Variants in DEPDC5 observed in about 807,000 individuals in gnomAD.
DEPDC5 encodes DEP domain containing 5, GATOR1 subcomplex subunit, also known as GATOR1 complex protein DEPDC5.
A neutral mutation model predicts 217.3 loss-of-function variants in DEPDC5; 73 were observed. The ratio of observed to expected loss-of-function variants is 0.34; its 90% CI spans 0.28 to 0.41. The LOEUF is 0.41. DEPDC5 is among the 10% of genes least tolerant of loss of function. The probability of loss-of-function intolerance (pLI) is 1.00; values close to 1 mark genes in which losing one functional copy is unlikely to be tolerated. For synonymous variants in DEPDC5, 733 were observed against 756.7 expected, an observed-to-expected ratio of 0.97 and a Z score of 0.51; for missense variants, 1,675 against 2,070.1, an observed-to-expected ratio of 0.81 and a Z score of 3.70.
rs1555918455 is a variant in DEPDC5 at position 31,879,043 on chromosome 22, A to ATATAT, written c.3806-482_3806-481insTATAT. Among the ~76,000 whole-genome samples the ATATAT allele has an allele frequency of 1.4e-4, 17 of 119,456 alleles. No homozygotes were observed. In the East Asian group the frequency reaches 1.5e-3, roughly 10 times the overall value. 78.4% of individuals were successfully genotyped at this position (119,456 alleles called of 152,430 possible). On this transcript the variant is annotated intron_variant, in intron 37 of 42. Coordinates refer to ENST00000651528, the MANE Select transcript of DEPDC5 (RefSeq NM_001242896.3). ...AGACTCCGTCTCAAAAAAAAAAAAA[A>ATATAT]ATATATATATATATATATATATATA...
intron 31 of DEPDC5, among the ~76,000 whole-genome samples, chr22:31,851,180 G>A (rs1486200143): frequency 6.6e-6 from 1 of 152,180 alleles, no homozygotes; most frequent in Non-Finnish European, 1.5e-5. Context: ...TTCACACTCT[G>A]GTCTTAAACT....
At chr22:31,761,826 G>A (rs2082414011) in intron 4 of DEPDC5, among the ~76,000 whole-genome samples, 1 of 151,622 alleles carries the variant, frequency 6.6e-6, no homozygotes, top group South Asian at 2.1e-4. Context: ...ATATTAGCCG[G>A]GTGTGGTGGC....
At chr22:31,887,773 C>T (rs1409839291) in intron 38 of DEPDC5, among the ~76,000 whole-genome samples, 1 of 152,068 alleles carries the variant, frequency 6.6e-6, no homozygotes, top group East Asian at 1.9e-4. Context: ...AGCTCTCAGC[C>T]CTTTGTGTTA....
chr22:31,899,150 A>C (rs1458669753), intron 40 of DEPDC5, among the ~76,000 whole-genome samples: 1 of 152,150 alleles, frequency 6.6e-6, no homozygotes. Flanking sequence ...GCCAGTTGTA[A>C]CTCAGTCTTC....
chr22:31,845,928 A>G (rs1218998824), intron 30 of DEPDC5, among the ~76,000 whole-genome samples: 1 of 150,232 alleles, frequency 6.7e-6, no homozygotes, highest in Non-Finnish European at 1.5e-5. Context: ...TGGCATGATC[A>G]TGGCTCACTG....
In DEPDC5 at chr22:31,837,201, C is replaced by T. The variant is rs757216082; in HGVS notation, c.2354+46C>T. 32 of 1,598,850 alleles carry T rather than the reference C, an allele frequency of 2.0e-5. No homozygotes were observed. The highest frequency in any genetic ancestry group is 2.6e-5 in the Non-Finnish European group (30 of 1,169,714). On this transcript the variant is annotated intron_variant, in intron 26 of 42. Coordinates refer to ENST00000651528, the MANE Select transcript of DEPDC5 (RefSeq NM_001242896.3). ...CACTTGGCTTGGTTGGTGAGGGTTT[C>T]GGATATATCCCACACATGCATCAGA... is the stretch of plus-strand genomic sequence containing the variant.
intron 3 of DEPDC5, among the ~76,000 whole-genome samples, chr22:31,760,005 A>G (rs921443019): frequency 6.7e-6 from 1 of 150,310 alleles, no homozygotes; most frequent in Non-Finnish European, 1.5e-5. Flanking sequence ...TAAAGCTGAG[A>G]TGACAACTGA....
At chr22:31,873,043 C>A (rs911946745) in intron 34 of DEPDC5, 8 of 942,664 alleles carry the variant, frequency 8.5e-6, no homozygotes, top group African/African-American at 3.4e-5. Flanking sequence ...ACGTAAGCCA[C>A]CAAACCCGGC....
chr22:31,852,848 T>C (rs1249623155), intron 31 of DEPDC5: 1 of 152,228 alleles, frequency 6.6e-6, no homozygotes, highest in Admixed American at 6.6e-5. Flanking sequence ...GAGCTCCCTG[T>C]GTGGGAAGGC....
At chr22:31,857,922 T>C (rs1301420713) in intron 32 of DEPDC5, 1 of 165,556 alleles carries the variant, frequency 6.0e-6, no homozygotes, top group Non-Finnish European at 1.3e-5. Context: ...GATGTGGTGG[T>C]GTGTACCTGT....
At chr22:31,901,678 TG>T in intron 40 of DEPDC5, 63 bp from the exon 41 acceptor site, 1 of 1,428,788 alleles carries the variant, frequency 7.0e-7, no homozygotes, top group Non-Finnish European at 9.7e-7. Flanking sequence ...TACAGAAGAC[TG>T]GCCCAGAGAG....
intron 30 of DEPDC5, among the ~76,000 whole-genome samples, chr22:31,845,540 G>T (rs1358391904): frequency 6.6e-6 from 1 of 152,124 alleles, no homozygotes; most frequent in Non-Finnish European, 1.5e-5. Flanking sequence ...GTGACTGGGT[G>T]CTGAACCTCT....
chr22:31,887,935 G>A (rs570094302), intron 38 of DEPDC5, among the ~76,000 whole-genome samples: 8 of 152,152 alleles, frequency 5.3e-5, no homozygotes, highest in African/African-American at 1.9e-4. Flanking sequence ...ATGATTTATA[G>A]GGGGAAGAAG....
At chr22:31,790,605 C>G (rs1430294424) in intron 10 of DEPDC5, among the ~76,000 whole-genome samples, 1 of 152,116 alleles carries the variant, frequency 6.6e-6, no homozygotes, top group Non-Finnish European at 1.5e-5. Flanking sequence ...GTTCCCTAGA[C>G]CACAATTCTG....
rs117173959 is a variant in DEPDC5 at position 31,853,829 on chromosome 22, C to A, written c.3156-3616C>A. Among the ~76,000 whole-genome samples, 179 of 152,216 alleles carry A rather than the reference C, an allele frequency of 1.2e-3. 1 individual carries two copies. In the East Asian group the frequency reaches 0.031, roughly 27 times the overall value. On this transcript the variant is annotated intron_variant, in intron 31 of 42. Coordinates refer to ENST00000651528, the MANE Select transcript of DEPDC5 (RefSeq NM_001242896.3). ...CCAAGTCAGGGCAGAGAGAGAGAGACCCCACCAAAGCAGATGGACATTCAT... is the reference window on the plus strand; with the variant it reads ...CCAAGTCAGGGCAGAGAGAGAGAGAACCCACCAAAGCAGATGGACATTCAT...
At chr22:31,777,990 C>T (rs8137015) in intron 7 of DEPDC5, 109 bp from the exon 8 acceptor site, 68 of 1,192,886 alleles carry the variant, frequency 5.7e-5, no homozygotes, top group African/African-American at 4.7e-4. Flanking sequence ...TCAGGTAATT[C>T]GCCCGCCTTG....
In DEPDC5 at chr22:31,833,911, A is replaced by G. The variant is rs888653334; in HGVS notation, c.2105-4A>G. ...TAAGACAAGCTGTTTTTATCTTTCC[A>G]TAGGTATGAATCCTAGGACCCAGAA... On this transcript the variant is annotated splice_region_variant and splice_polypyrimidine_tract_variant and intron_variant, in intron 24 of 42. Transcript: ENST00000651528. 6 of 1,559,452 alleles carry G rather than the reference A, an allele frequency of 3.8e-6. No individual in the cohort carries two copies. The highest frequency in any genetic ancestry group is 1.7e-4 in the Middle Eastern group (1 of 5,816).
rs116263417 is a variant in DEPDC5, at chr22:31,768,804, C to T, written c.364-10C>T. 55,582 of 1,611,876 alleles carry T rather than the reference C, an allele frequency of 0.034. 1,133 individuals carry two copies. The highest frequency in any genetic ancestry group is 0.057 in the South Asian group (5,155 of 90,768). ...TCCCTCTCTCTACCCCTCTCTCCCC[C>T]TCCTCTTAGGTCAGCACATGTGCCT... On this transcript the variant is annotated splice_polypyrimidine_tract_variant and intron_variant, in intron 6 of 42. Transcript: ENST00000651528.
intron 5 of DEPDC5, among the ~76,000 whole-genome samples, chr22:31,766,154 CT>C (rs1454783389): frequency 6.6e-6 from 1 of 152,184 alleles, no homozygotes; most frequent in Non-Finnish European, 1.5e-5. Flanking sequence ...GTATGTGAAA[CT>C]ATATGTAAAA....
Sources: gnomAD v4.1 joint callset for allele counts (sites outside exome capture counted in the v4.1 genomes callset) on GRCh38, gnomAD v4.1.1 for gene constraint, MANE v1.5 for transcripts, NCBI Gene and HGNC (gene_info 2026-07-23, HGNC 2026-07-21) for gene names.